The following MAML2 variants were observed in gnomAD, a reference collection of about 807,000 sequenced individuals.
The protein encoded by MAML2 is mastermind-like protein 2.
A neutral mutation model predicts 96.1 loss-of-function variants in MAML2; 22 were observed. The ratio of observed to expected loss-of-function variants is 0.23; its 90% confidence interval spans 0.16 to 0.33. The LOEUF (loss-of-function observed/expected upper bound fraction) is 0.33. Ranked by LOEUF, MAML2 falls within the 10% of genes least tolerant of loss-of-function variation. MAML2 has a pLI of 1.00. For synonymous variants in MAML2, 561 were observed against 521.3 expected, an observed-to-expected ratio of 1.08 and a Z score of -1.04; for missense variants, 1,367 against 1,392.4, an observed-to-expected ratio of 0.98 and a Z score of 0.29.
chr11:96,235,552 G>A (rs1315429865), intron 1 of MAML2, among the ~76,000 whole-genome samples: 1 of 152,166 alleles, frequency 6.6e-6, no homozygotes, highest in African/African-American at 2.4e-5. Context: ...GTGACTTTGG[G>A]CCAGTAATTA....
chr11:96,073,030 TAAA>T (rs1199601629), intron 2 of MAML2, among the ~76,000 whole-genome samples: 2 of 152,190 alleles, frequency 1.3e-5, no homozygotes, highest in Non-Finnish European at 2.9e-5. Flanking sequence ...TGTGAGGACT[TAAA>T]AAAACTATTA....
intron 2 of MAML2, among the ~76,000 whole-genome samples, chr11:96,044,055 G>A (rs947268359): frequency 1.3e-5 from 2 of 152,240 alleles, no homozygotes; most frequent in Non-Finnish European, 2.9e-5. Context: ...GGAAATCCTG[G>A]AAATCACACC....
At chr11:96,043,711 G>A (rs1467010415) in intron 2 of MAML2, among the ~76,000 whole-genome samples, 3 of 152,168 alleles carry the variant, frequency 2.0e-5, no homozygotes, top group Non-Finnish European at 4.4e-5. Context: ...AATATTTTTT[G>A]GGCAGGCAAT....
At chr11:96,338,904 A>C (rs1160772218) in intron 1 of MAML2, among the ~76,000 whole-genome samples, 1 of 152,206 alleles carries the variant, frequency 6.6e-6, no homozygotes, top group African/African-American at 2.4e-5. Flanking sequence ...CTGCCAATGT[A>C]ATGGGCTTGG....
intron 1 of MAML2, among the ~76,000 whole-genome samples, chr11:96,115,606 T>C (rs1292567430): frequency 6.6e-6 from 1 of 152,144 alleles, no homozygotes. Flanking sequence ...CGACAAATAT[T>C]GAATACCTCT....
intron 1 of MAML2, among the ~76,000 whole-genome samples, chr11:96,290,470 A>G (rs1863193533): frequency 6.6e-6 from 1 of 152,218 alleles, no homozygotes; most frequent in South Asian, 2.1e-4. Flanking sequence ...ATGGAAGGTC[A>G]ATTGACAGGC....
At chr11:96,098,222 T>C (rs1859864893) in intron 1 of MAML2, among the ~76,000 whole-genome samples, 1 of 152,044 alleles carries the variant, frequency 6.6e-6, no homozygotes, top group Non-Finnish European at 1.5e-5. Context: ...GGCTCCAATA[T>C]AGGAGAGGAA....
chr11:96,014,025 G>A (rs368103153), intron 2 of MAML2, among the ~76,000 whole-genome samples: 4 of 152,098 alleles, frequency 2.6e-5, no homozygotes, highest in East Asian at 1.9e-4. Flanking sequence ...TTCAGGAGCC[G>A]TAAACATTCA....
chr11:96,152,491 A>AT (rs1860939776), intron 1 of MAML2, among the ~76,000 whole-genome samples: 1 of 152,224 alleles, frequency 6.6e-6, no homozygotes, highest in African/African-American at 2.4e-5. Context: ...CATGGCCAGC[A>AT]AGAATTCTAG....
In MAML2 at chr11:96,217,279, TA is replaced by T. The variant is rs143253784; in HGVS notation, c.514-123763del. On this transcript the variant is annotated intron_variant, in intron 1 of 4. Coordinates refer to ENST00000524717, the MANE Select transcript of MAML2 (RefSeq NM_032427.4). ...AGTGAGAATGCCACTCCTGTGCATT[TA>T]CTAAAAGTAACTGCACAAGCGCAAA... Among the ~76,000 whole-genome samples, 1,151 of 152,354 alleles carry T rather than the reference TA, an allele frequency of 7.6e-3. 23 individuals are homozygous for T. Among genetic ancestry groups the T allele is most frequent in the African/African-American group, 0.027 (1,105 of 41,584 alleles).
intron 1 of MAML2, among the ~76,000 whole-genome samples, chr11:96,330,731 T>G (rs1302256841): frequency 6.6e-6 from 1 of 152,206 alleles, no homozygotes; most frequent in East Asian, 1.9e-4. Flanking sequence ...CTCTGCATGC[T>G]CATCTCCCAA....
At chr11:96,240,507 C>T (rs1030722418) in intron 1 of MAML2, among the ~76,000 whole-genome samples, 5 of 135,796 alleles carry the variant, frequency 3.7e-5, no homozygotes, top group African/African-American at 5.6e-5. Flanking sequence ...GCCGAGATTG[C>T]GCCACTGCAG....
At chr11:96,068,699 A>G (rs567951872) in intron 2 of MAML2, among the ~76,000 whole-genome samples, 19 of 152,068 alleles carry the variant, frequency 1.2e-4, no homozygotes, top group Admixed American at 3.9e-4. Context: ...GCATGGTGGC[A>G]GGCACCTGTA....
At chr11:96,062,128 A>G (rs1183358218) in intron 2 of MAML2, among the ~76,000 whole-genome samples, 1 of 152,186 alleles carries the variant, frequency 6.6e-6, no homozygotes, top group Non-Finnish European at 1.5e-5. Flanking sequence ...AGATAAAATA[A>G]GTTGAAAGGG....
At chr11:96,003,882 A>G (rs1226315733) in intron 2 of MAML2, among the ~76,000 whole-genome samples, 1 of 152,194 alleles carries the variant, frequency 6.6e-6, no homozygotes, top group African/African-American at 2.4e-5. Flanking sequence ...TTATAGTAAT[A>G]CTAGTAATAA....
intron 3 of MAML2, among the ~76,000 whole-genome samples, chr11:95,991,267 C>T (rs182172824): frequency 2.0e-5 from 3 of 152,196 alleles, no homozygotes; most frequent in Admixed American, 2.0e-4. Flanking sequence ...GTTGGTTGTT[C>T]TAGACATTCC....
intron 1 of MAML2, among the ~76,000 whole-genome samples, chr11:96,290,328 T>G (rs1294172568): frequency 6.6e-6 from 1 of 152,200 alleles, no homozygotes; most frequent in Admixed American, 6.5e-5. Context: ...AAAGAGACAA[T>G]GGGGAGAATG....
intron 1 of MAML2, among the ~76,000 whole-genome samples, chr11:96,141,215 T>C (rs778057457): frequency 6.6e-6 from 1 of 152,168 alleles, no homozygotes; most frequent in African/African-American, 2.4e-5. Flanking sequence ...ATATGTCCCA[T>C]GCAACATTTG....
chr11:96,109,033 A>AAAT (rs397798599), intron 1 of MAML2, among the ~76,000 whole-genome samples: 3 of 151,696 alleles, frequency 2.0e-5, no homozygotes, highest in Non-Finnish European at 2.9e-5. Context: ...AAAAAAAAAA[A>AAAT]TGTATAAGCA....
Sources: gnomAD v4.1 joint callset for allele counts (sites outside exome capture counted in the v4.1 genomes callset) on GRCh38, gnomAD v4.1.1 for gene constraint, MANE v1.5 for transcripts, NCBI Gene and HGNC (gene_info 2026-07-23, HGNC 2026-07-21) for gene names.